Variants in CDH2 observed in about 807,000 individuals in gnomAD.
CDH2 encodes the protein cadherin-2.
Under a neutral mutation model 92.0 loss-of-function variants are expected in CDH2, and 17 were observed. The ratio of observed to expected loss-of-function variants is 0.18; its 90% CI spans 0.13 to 0.28. The LOEUF (loss-of-function observed/expected upper bound fraction) is 0.28. Ranked by LOEUF, CDH2 falls within the 10% of genes least tolerant of loss-of-function variation. The probability of loss-of-function intolerance (pLI) is 1.00; values close to 1 mark genes in which losing one functional copy is unlikely to be tolerated. For synonymous variants in CDH2, 419 were observed against 415.9 expected (o/e 1.01, Z -0.09); for missense variants, 862 against 1,133.1 (o/e 0.76, Z 3.44).
At chr18:28,121,512 A>G (rs925579779) in intron 2 of CDH2, among the ~76,000 whole-genome samples, 1 of 151,980 alleles carries the variant, frequency 6.6e-6, no homozygotes, top group African/African-American at 2.4e-5. Context: ...ACTCTTCTCT[A>G]TATTCTGCAC....
intron 2 of CDH2, among the ~76,000 whole-genome samples, chr18:28,123,563 T>A (rs1209294311): frequency 6.6e-6 from 1 of 152,170 alleles, no homozygotes; most frequent in Non-Finnish European, 1.5e-5. Context: ...CTTTTCAGGC[T>A]TGTTTGGAGG....
At chr18:28,141,112 TTTGAC>T (rs546052761) in intron 2 of CDH2, among the ~76,000 whole-genome samples, 92 of 151,844 alleles carry the variant, frequency 6.1e-4, no homozygotes, top group Non-Finnish European at 1.0e-3. Flanking sequence ...TGGAAAACAA[TTTGAC>T]AGCTGCTCAA....
chr18:27,972,391 C>G (rs907262125), intron 14 of CDH2, among the ~76,000 whole-genome samples: 11 of 152,128 alleles, frequency 7.2e-5, no homozygotes, highest in African/African-American at 2.7e-4. Context: ...AAATATCTAT[C>G]ATATGACCTC....
At chr18:28,163,926 GGAGA>G (rs1466311665) in intron 1 of CDH2, among the ~76,000 whole-genome samples, 1 of 152,144 alleles carries the variant, frequency 6.6e-6, no homozygotes, top group African/African-American at 2.4e-5. Flanking sequence ...AACTCTGGGT[GGAGA>G]GAGGGGAATG....
chr18:28,067,951 G>C (rs910948238), intron 2 of CDH2, among the ~76,000 whole-genome samples: 1 of 152,118 alleles, frequency 6.6e-6, no homozygotes, highest in African/African-American at 2.4e-5. Flanking sequence ...TTTAGAAACT[G>C]ATGTTTATAA....
chr18:28,131,683 G>GTCGTGTGT (rs374374605), intron 2 of CDH2, among the ~76,000 whole-genome samples: 2 of 150,196 alleles, frequency 1.3e-5, no homozygotes, highest in Non-Finnish European at 3.0e-5. Flanking sequence ...AAGCATTTGT[G>GTCGTGTGT]GTGTGTGTGT....
intron 2 of CDH2, among the ~76,000 whole-genome samples, chr18:28,104,811 A>G (rs1384323092): frequency 6.6e-6 from 1 of 151,772 alleles, no homozygotes; most frequent in Non-Finnish European, 1.5e-5. Flanking sequence ...TTTTTCGCCT[A>G]CTGAATTATG....
At chr18:27,981,474 T>C (rs905961002) in intron 14 of CDH2, among the ~76,000 whole-genome samples, 2 of 152,174 alleles carry the variant, frequency 1.3e-5, no homozygotes, top group African/African-American at 4.8e-5. Context: ...GTACTTTAAA[T>C]ATGCATCTCT....
At chr18:28,135,160 T>C (rs926765429) in intron 2 of CDH2, among the ~76,000 whole-genome samples, 9 of 152,254 alleles carry the variant, frequency 5.9e-5, no homozygotes, top group Non-Finnish European at 7.4e-5. Flanking sequence ...GACAGCTAAA[T>C]AGAATTTATG....
chr18:28,050,381 C>T (rs1422789729), intron 2 of CDH2, among the ~76,000 whole-genome samples: 1 of 152,090 alleles, frequency 6.6e-6, no homozygotes, highest in African/African-American at 2.4e-5. Flanking sequence ...TCTTCTACAC[C>T]CACATAAGTA....
intron 2 of CDH2, among the ~76,000 whole-genome samples, chr18:28,113,824 G>A (rs2015452272): frequency 6.6e-6 from 1 of 151,974 alleles, no homozygotes; most frequent in Non-Finnish European, 1.5e-5. Context: ...TCCATAAAAG[G>A]CTGAGTAATT....
chr18:28,036,804 T>C (rs1334576227), intron 2 of CDH2, among the ~76,000 whole-genome samples: 3 of 152,096 alleles, frequency 2.0e-5, no homozygotes, highest in Non-Finnish European at 4.4e-5. Flanking sequence ...TCCTGAGCTC[T>C]ACTGGTCCTT....
intron 2 of CDH2, chr18:28,036,444 G>A: frequency 9.5e-7 from 1 of 1,050,830 alleles, no homozygotes; most frequent in South Asian, 1.3e-5. Flanking sequence ...ACCATGTTAT[G>A]GAATGAATAA....
Position 28,011,998 on chromosome 18 carries a change from C to T in CDH2, c.400-6G>A, listed in dbSNP as rs200529487. 2 of 1,611,994 alleles carry T rather than the reference C, an allele frequency of 1.2e-6. No homozygotes were observed. The highest frequency in any genetic ancestry group is 1.1e-5 in the South Asian group (1 of 90,696). On this transcript the variant is annotated splice_polypyrimidine_tract_variant and splice_region_variant and intron_variant, in intron 3 of 15. Transcript: ENST00000269141. The stretch of plus-strand genomic sequence containing the variant: ...TCTTCAACTTCTGCTGACTCCTTTA[C>T]ATTAAAATAGAAGACATTCCTGAGT...
At chr18:28,072,781 A>G (rs1235257766) in intron 2 of CDH2, among the ~76,000 whole-genome samples, 3 of 152,288 alleles carry the variant, frequency 2.0e-5, no homozygotes, top group Non-Finnish European at 4.4e-5. Flanking sequence ...TACACAAAGC[A>G]ATAATTTCTG....
chr18:28,107,858 G>A (rs1016254686), intron 2 of CDH2, among the ~76,000 whole-genome samples: 2 of 151,942 alleles, frequency 1.3e-5, no homozygotes, highest in Non-Finnish European at 2.9e-5. Flanking sequence ...GTAGTCTAGC[G>A]GAAAAGAAAA....
At chr18:27,982,327 G>A (rs1238570458) in intron 14 of CDH2, among the ~76,000 whole-genome samples, 1 of 152,102 alleles carries the variant, frequency 6.6e-6, no homozygotes, top group Non-Finnish European at 1.5e-5. Context: ...TAGTGATATA[G>A]GTTCACATTA....
intron 10 of CDH2, 43 bp from the exon 11 acceptor site, chr18:27,988,709 TA>T (rs763309512): frequency 9.8e-6 from 14 of 1,429,156 alleles, no homozygotes; most frequent in Admixed American, 5.5e-5. Flanking sequence ...TATGAAACTT[TA>T]AAAAAACATA....
In CDH2 at chr18:28,102,591, A is replaced by G. The variant is rs917580076; in HGVS notation, c.172+45082T>C. 3.3e-5 allele frequency among the ~76,000 whole-genome samples: 5 copies of G among 152,180 alleles called. No homozygotes were observed. The East Asian group carries it at 9.7e-4, about 29-fold the overall frequency. ...AGAGCAATTGCAGAGCAGATTATTT[A>G]TTTTATAATGAATATGCAAATTATT... is the stretch of plus-strand genomic sequence containing the variant. On this transcript the variant is annotated intron_variant, in intron 2 of 15. Coordinates refer to ENST00000269141, the MANE Select transcript of CDH2 (RefSeq NM_001792.5).
Sources: gnomAD v4.1 joint callset for allele counts (sites outside exome capture counted in the v4.1 genomes callset) on GRCh38, gnomAD v4.1.1 for gene constraint, MANE v1.5 for transcripts, NCBI Gene and HGNC (gene_info 2026-07-23, HGNC 2026-07-21) for gene names.